AMD1: variants seen among roughly 807,000 people sequenced by gnomAD.
AMD1 encodes the protein adenosylmethionine decarboxylase 1, also known as S-adenosylmethionine decarboxylase proenzyme.
AMD1 carries 11 observed loss-of-function variants against 40.2 expected under a neutral mutation model. That is an observed-to-expected ratio of 0.27 (90% CI 0.17 to 0.45). AMD1 has a LOEUF of 0.45. Ranked by LOEUF, AMD1 falls within the 20% of genes least tolerant of loss-of-function variation. The pLI, the probability that AMD1 is intolerant of heterozygous loss-of-function variation, is 1.00. For missense variants in AMD1, 257 were observed against 410.2 expected (o/e 0.63, Z 3.23); for synonymous variants, 121 against 130.8 (o/e 0.93, Z 0.51).
At chr6:110,838,577 A>G in the AMD1 span, among the ~76,000 whole-genome samples, 4 of 151,360 alleles carry the variant, frequency 2.6e-5, no homozygotes. Flanking sequence ...ACTACTTTCC[A>G]GCGGGGAGCA....
the AMD1 span, among the ~76,000 whole-genome samples, chr6:110,847,956 C>T: frequency 2.3e-4 from 35 of 151,634 alleles, 1 homozygote; most frequent in South Asian, 5.4e-3. Flanking sequence ...CCTTGTGATC[C>T]GCCTGCCTCA....
the AMD1 span, among the ~76,000 whole-genome samples, chr6:110,869,135 GCTT>G: frequency 6.6e-6 from 1 of 151,792 alleles, no homozygotes; most frequent in African/African-American, 2.4e-5. Flanking sequence ...CATTACTTTA[GCTT>G]CTTTTTTTTT....
intron 2 of AMD1, 105 bp from the exon 3 acceptor site, chr6:110,888,751 TA>T: frequency 8.9e-7 from 1 of 1,129,676 alleles, no homozygotes; most frequent in Non-Finnish European, 1.3e-6. Context: ...GAGATCCTAA[TA>T]TTTAAAAGTA....
intron 1 of AMD1, among the ~76,000 whole-genome samples, chr6:110,883,420 C>T (rs1437416808): frequency 2.0e-5 from 3 of 152,152 alleles, no homozygotes; most frequent in South Asian, 4.1e-4. Context: ...CCAAGAAAGG[C>T]TCTCTAGTTC....
chr6:110,835,275 C>T, the AMD1 span, among the ~76,000 whole-genome samples: 5,636 of 151,790 alleles, frequency 0.037, 371 homozygotes, highest in East Asian at 0.34. Context: ...GCCTCAGCCT[C>T]CCAAAGTGCT....
chr6:110,839,961 A>AC, the AMD1 span, among the ~76,000 whole-genome samples: 2 of 146,878 alleles, frequency 1.4e-5, no homozygotes, highest in Non-Finnish European at 3.0e-5. Context: ...AATTAATATC[A>AC]CCCCCATATA....
the AMD1 span, chr6:110,858,237 C>A: frequency 1.3e-5 from 12 of 915,702 alleles, no homozygotes; most frequent in Non-Finnish European, 1.9e-5. Flanking sequence ...CGCGCGCCAG[C>A]CATGAGCTCC....
the AMD1 span, among the ~76,000 whole-genome samples, chr6:110,850,258 C>T: frequency 1.3e-5 from 2 of 152,122 alleles, no homozygotes; most frequent in Admixed American, 6.6e-5. Context: ...TAACATACAA[C>T]TTCATCAAGT....
At chr6:110,849,794 A>G in the AMD1 span, among the ~76,000 whole-genome samples, 19 of 152,108 alleles carry the variant, frequency 1.2e-4, no homozygotes, top group Non-Finnish European at 2.5e-4. Flanking sequence ...CCAAGGCAAG[A>G]AGATTGCTTG....
the AMD1 span, among the ~76,000 whole-genome samples, chr6:110,836,912 G>A: frequency 6.6e-6 from 1 of 152,018 alleles, no homozygotes; most frequent in African/African-American, 2.4e-5. Flanking sequence ...CCAATGTTTT[G>A]AGAGGCTGAG....
intron 1 of AMD1, among the ~76,000 whole-genome samples, chr6:110,885,486 A>G (rs1052936407): frequency 2.6e-5 from 4 of 152,102 alleles, no homozygotes; most frequent in African/African-American, 9.7e-5. Flanking sequence ...GCTGGTATGC[A>G]GTGGCAAGAT....
At chr6:110,881,505 C>A (rs1448806268) in intron 1 of AMD1, among the ~76,000 whole-genome samples, 1 of 152,092 alleles carries the variant, frequency 6.6e-6, no homozygotes, top group African/African-American at 2.4e-5. Context: ...GTTTTATAAC[C>A]ACCTAAGAAT....
the AMD1 span, among the ~76,000 whole-genome samples, chr6:110,841,583 C>G: frequency 7.3e-5 from 11 of 151,552 alleles, no homozygotes; most frequent in Non-Finnish European, 1.5e-4. Context: ...AATTTCTGGC[C>G]AGTCGAGTTA....
chr6:110,879,070 A>G lies in AMD1; in HGVS notation c.110+3855A>G, dbSNP rs565521302. 2.0e-5 allele frequency among the ~76,000 whole-genome samples: 3 copies of G among 152,332 alleles called. No individual in the cohort carries two copies. The South Asian group carries it at 6.2e-4, about 32-fold the overall frequency. On this transcript the variant is annotated intron_variant, in intron 1 of 8. Transcript: ENST00000368885. ...GTTACATTCCTCCCAGCAGTTTCAAAAAGGTTTCATGGCTGGGCTTGGTGG... is the reference window on the plus strand; with the variant it reads ...GTTACATTCCTCCCAGCAGTTTCAAGAAGGTTTCATGGCTGGGCTTGGTGG...
At chr6:110,835,574 T>C in the AMD1 span, among the ~76,000 whole-genome samples, 1 of 151,928 alleles carries the variant, frequency 6.6e-6, no homozygotes, top group Non-Finnish European at 1.5e-5. Flanking sequence ...TTCTATTATT[T>C]AAAAAATCAG....
At chr6:110,882,445 G>A (rs147731625) in intron 1 of AMD1, among the ~76,000 whole-genome samples, 1 of 152,304 alleles carries the variant, frequency 6.6e-6, no homozygotes, top group East Asian at 1.9e-4. Flanking sequence ...AAATGAATGG[G>A]TGTGGCTAGG....
the AMD1 span, among the ~76,000 whole-genome samples, chr6:110,840,436 G>A: frequency 5.3e-5 from 8 of 151,962 alleles, no homozygotes; most frequent in Non-Finnish European, 7.4e-5. Context: ...CCCACTCTTT[G>A]GGTTCAATGA....
the AMD1 span, among the ~76,000 whole-genome samples, chr6:110,820,206 A>G: frequency 1.3e-5 from 2 of 150,190 alleles, no homozygotes; most frequent in South Asian, 2.1e-4. Flanking sequence ...ACTTTACTCT[A>G]TGGACGCACC....
chr6:110,860,982 T>C, the AMD1 span, among the ~76,000 whole-genome samples: 10 of 151,758 alleles, frequency 6.6e-5, no homozygotes, highest in African/African-American at 2.2e-4. Context: ...TCTCAGCACT[T>C]TGGGAGGTCA....
Sources: gnomAD v4.1 joint callset for allele counts (sites outside exome capture counted in the v4.1 genomes callset) on GRCh38, gnomAD v4.1.1 for gene constraint, MANE v1.5 for transcripts, NCBI Gene and HGNC (gene_info 2026-07-23, HGNC 2026-07-21) for gene names.